The following PTPRT variants were observed in gnomAD, a reference collection of about 807,000 sequenced individuals.
PTPRT encodes the protein receptor-type tyrosine-protein phosphatase T.
A neutral mutation model predicts 176.8 loss-of-function variants in PTPRT; 56 were observed. The observed-to-expected ratio is 0.32, with a 90% CI of 0.26 to 0.40. The LOEUF is 0.40. PTPRT is among the 10% of genes least tolerant of loss of function. The probability of loss-of-function intolerance (pLI) is 1.00; values close to 1 mark genes in which losing one functional copy is unlikely to be tolerated. For synonymous variants in PTPRT, 783 were observed against 739.0 expected, an observed-to-expected ratio of 1.06 and a Z score of -0.96; for missense variants, 1,540 against 1,908.2, an observed-to-expected ratio of 0.81 and a Z score of 3.60.
At chr20:43,043,695 C>T (rs1192517446) in intron 1 of PTPRT, among the ~76,000 whole-genome samples, 1 of 152,160 alleles carries the variant, frequency 6.6e-6, no homozygotes, top group Non-Finnish European at 1.5e-5. Context: ...GGCCAGGAAA[C>T]AGGCACAGAG....
chr20:42,997,280 T>C (rs1984277069), intron 1 of PTPRT, among the ~76,000 whole-genome samples: 1 of 152,088 alleles, frequency 6.6e-6, no homozygotes, highest in Non-Finnish European at 1.5e-5. Context: ...TTTCCACAAA[T>C]AGGATGGACA....
intron 1 of PTPRT, among the ~76,000 whole-genome samples, chr20:42,999,050 C>CT (rs1984382494): frequency 6.6e-6 from 1 of 152,060 alleles, no homozygotes; most frequent in African/African-American, 2.4e-5. Context: ...CCATTTTTGC[C>CT]TTTTGTTTAG....
chr20:43,106,190 G>A (rs2146333317), intron 1 of PTPRT, among the ~76,000 whole-genome samples: 1 of 152,292 alleles, frequency 6.6e-6, no homozygotes, highest in Non-Finnish European at 1.5e-5. Flanking sequence ...TAACTTCTGG[G>A]TTCCTCTGCC....
At chr20:42,776,760 G>A (rs1569150211) in intron 4 of PTPRT, among the ~76,000 whole-genome samples, 1 of 147,076 alleles carries the variant, frequency 6.8e-6, no homozygotes, top group Non-Finnish European at 1.5e-5. Flanking sequence ...AATTATAAAT[G>A]TATATATGAT....
At chr20:42,125,550 C>T (rs2146350018) in intron 19 of PTPRT, among the ~76,000 whole-genome samples, 1 of 152,258 alleles carries the variant, frequency 6.6e-6, no homozygotes, top group South Asian at 2.1e-4. Flanking sequence ...CGTGGTGTGT[C>T]CTAAGTGGGC....
rs376472601 is a variant in PTPRT, at chr20:43,040,695, T to G, written c.88+148951A>C. On this transcript the variant is annotated intron_variant, in intron 1 of 30. Coordinates refer to ENST00000373187, the MANE Select transcript of PTPRT (RefSeq NM_007050.6). The stretch of plus-strand genomic sequence containing the variant: ...GAGGAAGCGCCGGTTTGTCTCTTCT[T>G]TCCTTGCCAACCCTTCCAGAAGAAG... Among the ~76,000 whole-genome samples the G allele has an allele frequency of 2.0e-5, 3 of 152,300 alleles. 1 individual carries two copies. The highest frequency in any genetic ancestry group is 7.2e-5 in the African/African-American group (3 of 41,572).
At chr20:42,392,113 G>T (rs2058805535) in intron 9 of PTPRT, among the ~76,000 whole-genome samples, 1 of 152,104 alleles carries the variant, frequency 6.6e-6, no homozygotes, top group Non-Finnish European at 1.5e-5. Context: ...CAGTTAATTT[G>T]TCTCCTACAA....
intron 2 of PTPRT, among the ~76,000 whole-genome samples, chr20:42,874,321 T>A (rs2078894852): frequency 6.6e-6 from 1 of 152,156 alleles, no homozygotes; most frequent in South Asian, 2.1e-4. Flanking sequence ...GCAGGTTCAC[T>A]GTATCTGCAT....
At chr20:42,187,495 C>T (rs1990828169) in intron 16 of PTPRT, among the ~76,000 whole-genome samples, 1 of 152,164 alleles carries the variant, frequency 6.6e-6, no homozygotes, top group South Asian at 2.1e-4. Flanking sequence ...GGGGCTTTGC[C>T]CATCCTTGGC....
chr20:43,004,074 C>A (rs535978485), intron 1 of PTPRT, among the ~76,000 whole-genome samples: 57 of 151,318 alleles, frequency 3.8e-4, no homozygotes, highest in African/African-American at 1.4e-3. Flanking sequence ...TTGAGTACAA[C>A]CCCAAGCCAA....
intron 7 of PTPRT, among the ~76,000 whole-genome samples, chr20:42,567,307 G>A (rs932479154): frequency 5.4e-4 from 79 of 147,556 alleles, no homozygotes; most frequent in African/African-American, 1.5e-3. Context: ...GAGAGAGAGA[G>A]AGAAAAAAAA....
At chr20:42,593,156 A>G (rs796196418) in intron 7 of PTPRT, among the ~76,000 whole-genome samples, 6 of 152,292 alleles carry the variant, frequency 3.9e-5, no homozygotes, top group African/African-American at 1.4e-4. Flanking sequence ...CAACACCGGC[A>G]CAGTAATCAT....
At chr20:42,310,933 T>C (rs1394720301) in intron 12 of PTPRT, among the ~76,000 whole-genome samples, 1 of 152,158 alleles carries the variant, frequency 6.6e-6, no homozygotes, top group Non-Finnish European at 1.5e-5. Context: ...GAGCAACATA[T>C]CTTATAGTGC....
rs58741882 is a variant in PTPRT at position 42,914,877 on chromosome 20, TAA to T, written c.89-28947_89-28946del. On this transcript the variant is annotated intron_variant, in intron 1 of 30. Coordinates refer to ENST00000373187, the MANE Select transcript of PTPRT (RefSeq NM_007050.6). ...TAAAAAATCCTTAAAAGTGTACAGT[TAA>T]AAAAAAAAAAAATACATACCAAACA... Among the ~76,000 whole-genome samples the T allele has an allele frequency of 2.5e-3, 354 of 143,560 alleles. 2 individuals carry two copies. Among genetic ancestry groups the T allele is most frequent in the African/African-American group, 8.6e-3 (341 of 39,546 alleles). 94.2% of individuals were successfully genotyped at this position (143,560 alleles called of 152,430 possible).
At chr20:42,854,419 A>G (rs947394948) in intron 2 of PTPRT, among the ~76,000 whole-genome samples, 4 of 152,206 alleles carry the variant, frequency 2.6e-5, no homozygotes, top group African/African-American at 9.7e-5. Context: ...AGTTTAATCA[A>G]GGACTGTTTA....
chr20:42,478,010 T>C (rs908002442), intron 7 of PTPRT, among the ~76,000 whole-genome samples: 3 of 152,140 alleles, frequency 2.0e-5, no homozygotes, highest in Non-Finnish European at 4.4e-5. Flanking sequence ...TCCACATTTA[T>C]GACCCCCTAG....
intron 27 of PTPRT, among the ~76,000 whole-genome samples, chr20:42,095,066 C>T (rs1436535392): frequency 6.6e-6 from 1 of 152,126 alleles, no homozygotes; most frequent in East Asian, 1.9e-4. Context: ...GTCAATCTCT[C>T]TGGATGTGTT....
At chr20:42,551,871 C>G (rs2072776879) in intron 7 of PTPRT, among the ~76,000 whole-genome samples, 1 of 152,146 alleles carries the variant, frequency 6.6e-6, no homozygotes, top group South Asian at 2.1e-4. Flanking sequence ...TGTTTGTTTT[C>G]CCTAGGGTTC....
Position 42,829,285 on chromosome 20 carries a change from C to T in PTPRT, c.215-37819G>A, listed in dbSNP as rs998340257. On this transcript the variant is annotated intron_variant, in intron 2 of 30. Coordinates refer to ENST00000373187, the MANE Select transcript of PTPRT (RefSeq NM_007050.6). ...GGAATGGGTGTATTTACCCAATGCC[C>T]GTACCTCCACTGTATCTGGGAAGTA... is the stretch of plus-strand genomic sequence containing the variant. Among the ~76,000 whole-genome samples, 81 of 152,308 alleles carry T rather than the reference C, an allele frequency of 5.3e-4. 1 individual carries two copies. The highest frequency in any genetic ancestry group is 1.9e-3 in the African/African-American group (79 of 41,576).
Sources: allele counts gnomAD v4.1 joint callset (sites outside exome capture counted in the v4.1 genomes callset), GRCh38; gene constraint gnomAD v4.1.1; transcripts MANE v1.5; gene names NCBI Gene and HGNC (gene_info 2026-07-23, HGNC 2026-07-21).